The following RNF216 variants were observed in gnomAD, a reference collection of about 807,000 sequenced individuals.
RNF216 encodes the protein ring finger protein 216.
RNF216 carries 72 observed loss-of-function variants against 110.8 expected under a neutral mutation model. That is an observed-to-expected ratio of 0.65 (90% confidence interval 0.54 to 0.79). RNF216 has a LOEUF of 0.79. Ranked by LOEUF, RNF216 falls within the 30% of genes least tolerant of loss-of-function variation. The pLI is 0.00. For missense variants in RNF216, 1,342 were observed against 1,141.2 expected, an observed-to-expected ratio of 1.18 and a Z score of -2.54; for synonymous variants, 495 against 407.5, an observed-to-expected ratio of 1.21 and a Z score of -2.59.
chr7:5,637,511 T>C (rs1358174854), intron 15 of RNF216, among the ~76,000 whole-genome samples: 7 of 152,240 alleles, frequency 4.6e-5, no homozygotes, highest in Non-Finnish European at 1.0e-4. Flanking sequence ...AGGACTCACA[T>C]CTTTTCAAAA....
intron 14 of RNF216, among the ~76,000 whole-genome samples, chr7:5,646,656 G>A (rs1283931550): frequency 6.6e-6 from 1 of 150,958 alleles, no homozygotes; most frequent in African/African-American, 2.4e-5. Flanking sequence ...TTGCACCACT[G>A]CACTCCAGCC....
At chr7:5,763,922 C>T (rs529920407) in intron 1 of RNF216, among the ~76,000 whole-genome samples, 2 of 152,284 alleles carry the variant, frequency 1.3e-5, no homozygotes, top group South Asian at 2.1e-4. Context: ...GGCACGACAG[C>T]TCATGGCTGT....
chr7:5,679,296 A>C (rs1013657293), intron 13 of RNF216, among the ~76,000 whole-genome samples: 10 of 152,214 alleles, frequency 6.6e-5, no homozygotes, highest in Admixed American at 5.9e-4. Context: ...TGCTAAAGGC[A>C]CTGGACTAAG....
intron 1 of RNF216, among the ~76,000 whole-genome samples, chr7:5,778,873 A>T (rs1481063584): frequency 3.3e-5 from 5 of 152,152 alleles, no homozygotes; most frequent in Non-Finnish European, 7.4e-5. Flanking sequence ...CCTCCCCAGT[A>T]GCTGGGATTA....
At chr7:5,691,756 G>C (rs554261637) in intron 13 of RNF216, among the ~76,000 whole-genome samples, 3 of 152,232 alleles carry the variant, frequency 2.0e-5, no homozygotes, top group South Asian at 2.1e-4. Context: ...AGAGTTACTA[G>C]TGTATGAAAT....
At chr7:5,722,400 T>C (rs959507558) in intron 8 of RNF216, among the ~76,000 whole-genome samples, 7 of 151,722 alleles carry the variant, frequency 4.6e-5, no homozygotes, top group African/African-American at 1.7e-4. Flanking sequence ...TTTGTTTTGT[T>C]TTTTTTTGAG....
At chr7:5,706,564 T>C (rs1014116153) in intron 13 of RNF216, among the ~76,000 whole-genome samples, 2 of 152,110 alleles carry the variant, frequency 1.3e-5, no homozygotes, top group Non-Finnish European at 2.9e-5. Context: ...GTGCCAGGAG[T>C]TCCTTCTTTT....
chr7:5,648,001 G>C (rs1788153169), intron 14 of RNF216, among the ~76,000 whole-genome samples: 1 of 152,128 alleles, frequency 6.6e-6, no homozygotes, highest in Non-Finnish European at 1.5e-5. Flanking sequence ...GGGCCACCCA[G>C]ACACTGCATA....
chr7:5,735,443 T>TAA (rs996489859), intron 5 of RNF216, among the ~76,000 whole-genome samples: 1 of 151,728 alleles, frequency 6.6e-6, no homozygotes. Flanking sequence ...TTAAAGAAAT[T>TAA]AAAAAAAGAT....
Position 5,650,951 on chromosome 7 carries a change from T to C in RNF216, c.2159+1462A>G, listed in dbSNP as rs142079169. ...TGAGTACCAAACTCCTTCCATATCC[T>C]TCATATTTAAACTGGACATAAAGTC... On this transcript the variant is annotated intron_variant, in intron 14 of 16. Transcript: ENST00000389902. Among the ~76,000 whole-genome samples, 265 of 152,244 alleles carry C rather than the reference T, an allele frequency of 1.7e-3. 2 individuals carry two copies. The highest frequency in any genetic ancestry group is 0.01 in the Middle Eastern group (3 of 294).
At chr7:5,674,332 A>T (rs968033697) in intron 13 of RNF216, among the ~76,000 whole-genome samples, 1 of 151,478 alleles carries the variant, frequency 6.6e-6, no homozygotes, top group African/African-American at 2.4e-5. Context: ...CTAATTTTCA[A>T]ATTTTTAGTA....
chr7:5,748,775 G>C (rs1282389139), intron 3 of RNF216, among the ~76,000 whole-genome samples: 1 of 152,158 alleles, frequency 6.6e-6, no homozygotes, highest in East Asian at 1.9e-4. Context: ...TATGCTATTA[G>C]TACTTAAGTT....
intron 13 of RNF216, among the ~76,000 whole-genome samples, chr7:5,707,578 G>A (rs1034058588): frequency 6.6e-6 from 1 of 151,986 alleles, no homozygotes; most frequent in Non-Finnish European, 1.5e-5. Flanking sequence ...GAACTTGCAC[G>A]GATATAGATG....
chr7:5,634,167 G>C (rs1169231215), intron 15 of RNF216, among the ~76,000 whole-genome samples: 1 of 152,144 alleles, frequency 6.6e-6, no homozygotes, highest in African/African-American at 2.4e-5. Flanking sequence ...CCCAGGGCTG[G>C]CTGTCCACGT....
At chr7:5,663,609 G>C (rs1427665020) in intron 13 of RNF216, among the ~76,000 whole-genome samples, 1 of 121,372 alleles carries the variant, frequency 8.2e-6, no homozygotes, top group Non-Finnish European at 1.7e-5. Context: ...AAAAAAAAAA[G>C]TTCACTTGAG....
intron 1 of RNF216, among the ~76,000 whole-genome samples, chr7:5,763,295 T>C (rs764700304): frequency 7.2e-5 from 11 of 152,168 alleles, no homozygotes; most frequent in Non-Finnish European, 1.3e-4. Flanking sequence ...CTGAACTATA[T>C]ACTAAAATGG....
At chr7:5,773,188 A>G (rs1199020419) in intron 1 of RNF216, among the ~76,000 whole-genome samples, 1 of 152,146 alleles carries the variant, frequency 6.6e-6, no homozygotes, top group Admixed American at 6.6e-5. Flanking sequence ...TTAAAAGAAC[A>G]GCTCTGGTAT....
Position 5,776,374 on chromosome 7 carries a change from G to C in RNF216, c.-70+5167C>G, listed in dbSNP as rs573602333. On this transcript the variant is annotated intron_variant, in intron 1 of 16. Transcript: ENST00000389902. Reference sequence around the variant, plus strand: ...CAAGGCGGGCGGATCACGAGGTCAGGAGACGGAGACCATCCTGGCTAACAC... The same window carrying C: ...CAAGGCGGGCGGATCACGAGGTCAGCAGACGGAGACCATCCTGGCTAACAC... Among the ~76,000 whole-genome samples the C allele has an allele frequency of 9.9e-5, 15 of 151,540 alleles. No homozygotes were observed. The East Asian group carries it at 2.9e-3, about 29-fold the overall frequency.
intron 14 of RNF216, 94 bp downstream of exon 14, chr7:5,652,319 G>T: frequency 1.1e-6 from 1 of 894,406 alleles, no homozygotes; most frequent in Non-Finnish European, 1.9e-6. Context: ...GCTCAAGCGT[G>T]TTCTTCCGAC....
Sources: allele counts gnomAD v4.1 joint callset (sites outside exome capture counted in the v4.1 genomes callset), GRCh38; gene constraint gnomAD v4.1.1; transcripts MANE v1.5; gene names NCBI Gene and HGNC (gene_info 2026-07-23, HGNC 2026-07-21).